Variants in TBC1D5 observed in about 807,000 individuals in gnomAD.
TBC1D5 encodes the protein TBC1 domain family, member 5.
TBC1D5 carries 75 observed loss-of-function variants against 100.3 expected under a neutral mutation model. The ratio of observed to expected loss-of-function variants is 0.75; its 90% confidence interval spans 0.62 to 0.91. The LOEUF is 0.91. Among genes scored for constraint, TBC1D5 ranks in the 40% least tolerant of loss-of-function variants. TBC1D5 has a pLI of 0.00. For missense variants in TBC1D5, 910 were observed against 942.4 expected (o/e 0.97, Z 0.45); for synonymous variants, 323 against 325.6 (o/e 0.99, Z 0.09).
chr3:17,710,916 C>G lies in TBC1D5; in HGVS notation c.-101+28427G>C, dbSNP rs547895445. 3.6e-3 allele frequency among the ~76,000 whole-genome samples: 545 copies of G among 152,202 alleles called. 3 individuals carry two copies. Among genetic ancestry groups the G allele is most frequent in the African/African-American group, 0.012 (503 of 41,520 alleles). ...TTTCACCATGTTGAGTTAGGCTGGT[C>G]TCAAACTCCTGACCTCGTGATCTGC... is the stretch of plus-strand genomic sequence containing the variant. On this transcript the variant is annotated intron_variant, in intron 1 of 21. Coordinates refer to ENST00000253692, the Ensembl canonical transcript of TBC1D5.
At chr3:17,409,786 G>A (rs911259746) in intron 4 of TBC1D5, among the ~76,000 whole-genome samples, 9 of 152,148 alleles carry the variant, frequency 5.9e-5, no homozygotes, top group African/African-American at 2.2e-4. Flanking sequence ...TGTGAAAGCT[G>A]AGAAAGGTGA....
At chr3:17,601,050 G>A (rs1211240082) in intron 2 of TBC1D5, among the ~76,000 whole-genome samples, 2 of 152,148 alleles carry the variant, frequency 1.3e-5, no homozygotes, top group Non-Finnish European at 2.9e-5. Context: ...CCACCCATAA[G>A]TGAATAAATT....
chr3:17,238,070 C>A, intron 17 of TBC1D5, 93 bp downstream of exon 17: 2 of 1,489,234 alleles, frequency 1.3e-6, no homozygotes, highest in Non-Finnish European at 1.8e-6. Flanking sequence ...GCATTAATTT[C>A]TATTCTAGGA....
chr3:17,304,114 G>C (rs1033626083), intron 14 of TBC1D5, among the ~76,000 whole-genome samples: 1 of 152,036 alleles, frequency 6.6e-6, no homozygotes, highest in African/African-American at 2.4e-5. Context: ...CTTTCTTCCT[G>C]CATCAGCACC....
chr3:17,548,443 A>G (rs181356195), intron 2 of TBC1D5, among the ~76,000 whole-genome samples: 14 of 152,316 alleles, frequency 9.2e-5, no homozygotes, highest in African/African-American at 2.9e-4. Flanking sequence ...TTATCTCAAG[A>G]AAGTTTTGTA....
At chr3:17,412,798 A>G (rs1284536231) in intron 4 of TBC1D5, among the ~76,000 whole-genome samples, 1 of 152,206 alleles carries the variant, frequency 6.6e-6, no homozygotes, top group African/African-American at 2.4e-5. Context: ...GAATAAAGAA[A>G]TGAGAAATAG....
chr3:17,664,905 CAGA>C lies in TBC1D5; in HGVS notation c.-100-40995_-100-40993del, dbSNP rs1370249467. On this transcript the variant is annotated intron_variant, in intron 1 of 21. Coordinates refer to ENST00000253692, the Ensembl canonical transcript of TBC1D5. ...GACAGGAATCAAGGAAGGCAAATCA[CAGA>C]AGAATGTTTGCCTCCACAGCCTTGA... 9.2e-5 allele frequency: 14 copies of C among 152,050 alleles called. No homozygotes were observed. In the East Asian group the frequency reaches 2.3e-3, roughly 25 times the overall value. 9.4% of individuals were successfully genotyped at this position (152,050 alleles called of 1,614,324 possible). A position where few individuals can be genotyped will look rare whatever the true frequency, so the allele number is the denominator to read the frequency against.
chr3:17,194,177 C>T (rs950285386), intron 18 of TBC1D5, among the ~76,000 whole-genome samples: 1 of 152,156 alleles, frequency 6.6e-6, no homozygotes, highest in African/African-American at 2.4e-5. Flanking sequence ...CTCACGCTAA[C>T]CTTCTATTAA....
chr3:17,643,559 T>C (rs1193479564), intron 1 of TBC1D5, among the ~76,000 whole-genome samples: 1 of 152,162 alleles, frequency 6.6e-6, no homozygotes, highest in African/African-American at 2.4e-5. Context: ...CCTCATTCTT[T>C]ATACATTTAT....
At chr3:17,671,228 C>A (rs990013736) in intron 1 of TBC1D5, among the ~76,000 whole-genome samples, 4 of 152,162 alleles carry the variant, frequency 2.6e-5, no homozygotes, top group African/African-American at 4.8e-5. Context: ...ATGTACAATA[C>A]AGATGCAGAA....
At chr3:17,404,822 A>C in intron 6 of TBC1D5, 50 bp downstream of exon 6, 2 of 1,569,858 alleles carry the variant, frequency 1.3e-6, no homozygotes, top group Admixed American at 3.8e-5. Flanking sequence ...CTGGACTTTA[A>C]AGTGTACATA....
Position 17,407,072 on chromosome 3 carries a change from T to C in TBC1D5, c.168-546A>G, listed in dbSNP as rs144412587. Among the ~76,000 whole-genome samples, 577 of 152,102 alleles carry C rather than the reference T, an allele frequency of 3.8e-3. 2 individuals are homozygous for C. The highest frequency in any genetic ancestry group is 0.013 in the African/African-American group (535 of 41,502). ...ATCAGTTTTAAAATTTTAACAGGTG[T>C]GGGCAAATTTGAAAAAAACATCAAA... On this transcript the variant is annotated intron_variant, in intron 4 of 21. Coordinates refer to ENST00000253692, the Ensembl canonical transcript of TBC1D5.
At chr3:17,455,506 GTGTGTGT>G (rs2095060401) in intron 3 of TBC1D5, among the ~76,000 whole-genome samples, 1 of 121,086 alleles carries the variant, frequency 8.3e-6, no homozygotes, top group African/African-American at 3.7e-5. Context: ...ATATATATGT[GTGTGTGT>G]ATATATATAT....
intron 1 of TBC1D5, among the ~76,000 whole-genome samples, chr3:17,648,360 C>T (rs1246805600): frequency 1.3e-5 from 2 of 151,936 alleles, no homozygotes; most frequent in Non-Finnish European, 2.9e-5. Flanking sequence ...TGTAAAACCC[C>T]AAACTATAAA....
At chr3:17,469,201 T>C (rs1223564355) in intron 3 of TBC1D5, among the ~76,000 whole-genome samples, 1 of 152,090 alleles carries the variant, frequency 6.6e-6, no homozygotes, top group Non-Finnish European at 1.5e-5. Context: ...TTATAGACTA[T>C]CAAATCAATA....
intron 14 of TBC1D5, among the ~76,000 whole-genome samples, chr3:17,299,092 G>A (rs772036186): frequency 2.6e-5 from 4 of 152,128 alleles, no homozygotes; most frequent in Admixed American, 6.5e-5. Flanking sequence ...TGCCAGCATC[G>A]CTACTCTTGA....
chr3:17,302,367 T>C (rs749977532), intron 14 of TBC1D5, among the ~76,000 whole-genome samples: 5 of 152,194 alleles, frequency 3.3e-5, no homozygotes, highest in African/African-American at 4.8e-5. Context: ...ACCAGTCATA[T>C]TGGATTAGTA....
At position 17,226,179 on chromosome 3, in the gene TBC1D5, A is replaced by T. The variant is rs116751255; in HGVS notation, c.1589-11809T>A. ...ATGCACAGAATCTGATCACATTTGT[A>T]TAGCACACTGGGGTAAATGGATGTG... On this transcript the variant is annotated intron_variant, in intron 17 of 21. Transcript: ENST00000253692. Among the ~76,000 whole-genome samples, 1,361 of 150,754 alleles carry T rather than the reference A, an allele frequency of 9.0e-3. 23 individuals are homozygous for T. The highest frequency in any genetic ancestry group is 0.031 in the African/African-American group (1,271 of 40,950).
intron 1 of TBC1D5, among the ~76,000 whole-genome samples, chr3:17,679,669 A>C (rs2069175720): frequency 6.6e-6 from 1 of 151,566 alleles, no homozygotes; most frequent in South Asian, 2.1e-4. Flanking sequence ...GAAGTACATT[A>C]TACATTAATA....
Sources: gnomAD v4.1 joint callset for allele counts (sites outside exome capture counted in the v4.1 genomes callset) on GRCh38, gnomAD v4.1.1 for gene constraint, MANE v1.5 for transcripts, NCBI Gene and HGNC (gene_info 2026-07-23, HGNC 2026-07-21) for gene names.